Variants in JMJD1C observed in about 807,000 individuals in gnomAD.
JMJD1C encodes jumonji domain-containing protein 1C.
Under a neutral mutation model 245.3 loss-of-function variants are expected in JMJD1C, and 31 were observed. The observed-to-expected ratio is 0.13, with a 90% CI of 0.09 to 0.17. The LOEUF (loss-of-function observed/expected upper bound fraction) is 0.17. Ranked by LOEUF, JMJD1C falls within the 10% of genes least tolerant of loss-of-function variation. JMJD1C has a pLI of 1.00. For synonymous variants in JMJD1C, 1,057 were observed against 1,017.4 expected, an observed-to-expected ratio of 1.04 and a Z score of -0.74; for missense variants, 2,691 against 3,000.2, an observed-to-expected ratio of 0.90 and a Z score of 2.41.
chr10:63,191,171 G>A (rs577470114), intron 16 of JMJD1C, 63 bp from the exon 17 acceptor site: 23 of 1,366,970 alleles, frequency 1.7e-5, no homozygotes, highest in South Asian at 1.1e-4. Flanking sequence ...TCATTCTGTC[G>A]CCCAGGCTGG....
intron 1 of JMJD1C, among the ~76,000 whole-genome samples, chr10:63,442,531 T>C (rs1429517736): frequency 6.6e-6 from 1 of 152,212 alleles, no homozygotes; most frequent in East Asian, 1.9e-4. Flanking sequence ...TTAATGTGCA[T>C]AAAATAAATG....
Position 63,376,041 on chromosome 10 carries a change from T to C in JMJD1C, c.333+4277A>G, listed in dbSNP as rs570968513. Among the ~76,000 whole-genome samples, 154 of 152,264 alleles carry C rather than the reference T, an allele frequency of 1.0e-3. 1 individual carries two copies. Among genetic ancestry groups the C allele is most frequent in the African/African-American group, 3.6e-3 (148 of 41,546 alleles). On this transcript the variant is annotated intron_variant, in intron 2 of 25. Transcript: ENST00000399262. ...AACATTTCCTGATTTCACAATGTAC[T>C]ACAAAGCAACAGTAATCAAAACAGT...
intron 1 of JMJD1C, among the ~76,000 whole-genome samples, chr10:63,511,356 A>G (rs1362046387): frequency 2.0e-5 from 3 of 152,168 alleles, no homozygotes; most frequent in African/African-American, 7.2e-5. Flanking sequence ...CTTAAACAAC[A>G]TGGGTTTGAA....
chr10:63,430,307 C>G (rs755011062), intron 1 of JMJD1C, among the ~76,000 whole-genome samples: 1 of 152,104 alleles, frequency 6.6e-6, no homozygotes, highest in Non-Finnish European at 1.5e-5. Context: ...GATGTGACAC[C>G]AAAAGCACAA....
chr10:63,248,106 T>C (rs1852498923), intron 3 of JMJD1C, among the ~76,000 whole-genome samples: 1 of 151,950 alleles, frequency 6.6e-6, no homozygotes. Flanking sequence ...CGGGCGCCTG[T>C]ATCCCAGCCA....
At chr10:63,284,857 TCACACA>T (rs57860875) in intron 2 of JMJD1C, among the ~76,000 whole-genome samples, 21,996 of 135,074 alleles carry the variant, frequency 0.16, 1,990 homozygotes, top group Admixed American at 0.28. Flanking sequence ...CAGGGAAGAT[TCACACA>T]CACACACACA....
rs768268340 is a variant in JMJD1C at position 63,264,730 on chromosome 10, C to G, written c.368G>C (p.Ser123Thr). Residue 123 changes from serine (S) to threonine (T), a missense_variant, in exon 3 of 26, where the codon AGT (serine) becomes ACT (threonine). Ser to Thr is a moderately conservative substitution (Grantham distance 58, BLOSUM62 1). Around this residue, in one of 9 missense-constraint regions of JMJD1C, gnomAD observed 172 missense variants for 240.8 expected, o/e 0.71. Coordinates refer to ENST00000399262, the MANE Select transcript of JMJD1C (RefSeq NM_032776.3). ...AAGGAATTCTACTGCAGTGACTGAA[C>G]TGGGTATATTTCTTTCAACCAGAGG... is the stretch of plus-strand genomic sequence containing the variant. ...FKPLVERNIPSSVTAVEFLVD... is the reference protein window; with the variant it reads ...FKPLVERNIPTSVTAVEFLVD... The G allele has an allele frequency of 1.3e-6, 2 of 1,596,340 alleles. No homozygotes were observed. Among genetic ancestry groups the G allele is most frequent in the East Asian group, 2.3e-5 (1 of 44,262 alleles).
At chr10:63,457,827 CTGAT>C (rs1952511651) in intron 1 of JMJD1C, among the ~76,000 whole-genome samples, 1 of 152,208 alleles carries the variant, frequency 6.6e-6, no homozygotes, top group South Asian at 2.1e-4. Context: ...CTGACACTTA[CTGAT>C]TGTGTGATTT....
rs1483418385 is a variant in JMJD1C at position 63,206,946 on chromosome 10, C to T, written c.4723G>A (p.Val1575Ile). The T allele has an allele frequency of 6.2e-6, 10 of 1,612,208 alleles. No homozygotes were observed. The highest frequency in any genetic ancestry group is 1.7e-5 in the Admixed American group (1 of 59,644). The change falls in exon 10 of 26, where the codon GTA (valine) becomes ATA (isoleucine). Residue 1575 changes from valine to isoleucine, a missense_variant. Coordinates refer to ENST00000399262, the MANE Select transcript of JMJD1C (RefSeq NM_032776.3). ...TNKMENSGNS[V>I]SEIIKPCSVN... ...GAACATGGCTTAATAATTTCTGATA[C>T]AGAATTCCCTGAATTTTCCATTTTA...
intron 2 of JMJD1C, among the ~76,000 whole-genome samples, chr10:63,315,594 T>C (rs1282706686): frequency 6.6e-6 from 1 of 152,034 alleles, no homozygotes; most frequent in Non-Finnish European, 1.5e-5. Flanking sequence ...ATCCCAGCAC[T>C]TTGGGAGGCC....
chr10:63,252,404 T>A (rs532869136), intron 3 of JMJD1C, among the ~76,000 whole-genome samples: 1 of 152,262 alleles, frequency 6.6e-6, no homozygotes, highest in East Asian at 1.9e-4. Flanking sequence ...TTTAATCCAA[T>A]CAGTTGAAGG....
At chr10:63,380,153 A>C (rs1448857354) in intron 2 of JMJD1C, 165 bp downstream of exon 2, 6 of 558,842 alleles carry the variant, frequency 1.1e-5, no homozygotes, top group South Asian at 2.3e-5. Context: ...TTTTTTGCCC[A>C]GGCTGATCTC....
At chr10:63,243,594 T>G (rs937461988) in intron 3 of JMJD1C, among the ~76,000 whole-genome samples, 4 of 152,138 alleles carry the variant, frequency 2.6e-5, no homozygotes, top group African/African-American at 9.7e-5. Flanking sequence ...AATAAATCAG[T>G]TCTCGAAGTT....
intron 2 of JMJD1C, among the ~76,000 whole-genome samples, chr10:63,272,593 G>A (rs1044849955): frequency 2.6e-5 from 4 of 152,180 alleles, no homozygotes; most frequent in Admixed American, 1.3e-4. Flanking sequence ...ATGTTGTCAA[G>A]TGGATATTAA....
Position 63,465,597 on chromosome 10 carries a change from C to T in JMJD1C, c.66G>A (p.Glu22=), listed in dbSNP as rs766418169. Residue 22 remains glutamate, a synonymous_variant, in exon 1 of 26, where the codon GAG becomes GAA. Transcript: ENST00000399262. ...CGCTCTCCCAGCGCTCCGAACGTGC[C>T]TCGTCGCCGACCGCCACACACAGGA... ...KRFLCVAVGD[E]ARSERWESGR... is the part of the protein sequence containing the mutation. 25 of 1,609,680 alleles carry T rather than the reference C, an allele frequency of 1.6e-5. No individual in the cohort carries two copies. Among genetic ancestry groups the T allele is most frequent in the Middle Eastern group, 1.6e-4 (1 of 6,084 alleles).
rs1955014059 is a variant in JMJD1C, at chr10:63,516,202, TTAA to T, written n.113+5533_113+5535del. On this transcript the variant is annotated intron_variant and non_coding_transcript_variant, in intron 1 of 3. Coordinates refer to the JMJD1C transcript ENST00000633035. The stretch of plus-strand genomic sequence containing the variant: ...GTCTTTATCTTAGACTAAATATCTA[TTAA>T]TAATTGGGTATGTTTCTGGACTTTG... 2.0e-5 allele frequency among the ~76,000 whole-genome samples: 3 copies of T among 148,554 alleles called. No homozygotes were observed. In the South Asian group the frequency reaches 6.4e-4, roughly 32 times the overall value.
In JMJD1C at chr10:63,256,309, G is replaced by T. The variant is rs139734876; in HGVS notation, c.447+8342C>A. 2.5e-3 allele frequency among the ~76,000 whole-genome samples: 381 copies of T among 152,136 alleles called. 2 individuals are homozygous for T. The highest frequency in any genetic ancestry group is 8.8e-3 in the African/African-American group (366 of 41,498). On this transcript the variant is annotated intron_variant, in intron 3 of 25. Transcript: ENST00000399262. ...AGAGCTCCTTTTTTAAATAGCAACA[G>T]ATATGTACTGGGGTAATTTATGGGA...
intron 1 of JMJD1C, among the ~76,000 whole-genome samples, chr10:63,395,410 G>T (rs557043370): frequency 6.6e-6 from 1 of 152,088 alleles, no homozygotes; most frequent in Non-Finnish European, 1.5e-5. Context: ...CCCAGGAGGC[G>T]GAGTTTACAG....
At chr10:63,277,727 A>ATTTTTTTTTTTTTTTT (rs1389505532) in intron 2 of JMJD1C, among the ~76,000 whole-genome samples, 3 of 83,166 alleles carry the variant, frequency 3.6e-5, no homozygotes, top group African/African-American at 1.6e-4. Context: ...AGTAATTTGC[A>ATTTTTTTTTTTTTTTT]TTTCTTTTTT....
Sources: gnomAD v4.1 joint callset for allele counts (sites outside exome capture counted in the v4.1 genomes callset) on GRCh38, gnomAD v4.1.1 for gene constraint, gnomAD v4.1.1 regional missense constraint, MANE v1.5 for transcripts, NCBI Gene and HGNC (gene_info 2026-07-23, HGNC 2026-07-21) for gene names.